BCS1L: variants seen among roughly 807,000 people sequenced by gnomAD.
The protein encoded by BCS1L is mitochondrial chaperone BCS1.
Under a neutral mutation model 49.3 loss-of-function variants are expected in BCS1L, and 38 were observed. The observed-to-expected ratio is 0.77, with a 90% confidence interval of 0.59 to 1.01. BCS1L has a LOEUF of 1.01. Among genes scored for constraint, BCS1L ranks in the 50% least tolerant of loss-of-function variants. The pLI is 0.00. For missense variants in BCS1L, 394 were observed against 540.2 expected (o/e 0.73, Z 2.68); for synonymous variants, 193 against 210.1 (o/e 0.92, Z 0.70).
In BCS1L at chr2:218,662,600, G is replaced by A. The variant is rs371242452; in HGVS notation, c.810G>A (p.Leu270=). ...CTGATGACCGACTCAACCACCTGCT[G>A]AGCGTGGCCCCGCAGCAGAGCCTGG... ...SLSDDRLNHL[L]SVAPQQSLVL... Residue 270 remains leucine (L), a synonymous_variant, in exon 6 of 8, where the codon CTG becomes CTA. Coordinates refer to ENST00000359273, the MANE Select transcript of BCS1L (RefSeq NM_001079866.2). This position sits in a 1 kb window ranked among gnomAD's most constrained non-coding sequence, Gnocchi z 5.8. The A allele has an allele frequency of 1.4e-5, 22 of 1,614,084 alleles. No homozygotes were observed. The highest frequency in any genetic ancestry group is 5.0e-5 in the Admixed American group (3 of 60,006).
chr2:218,659,804 T>C lies in BCS1L; in HGVS notation c.-50+61T>C, dbSNP rs1387907690. On this transcript the variant is annotated intron_variant, in intron 1 of 7. Coordinates refer to ENST00000359273, the MANE Select transcript of BCS1L (RefSeq NM_001079866.2). This position sits in a 1 kb window ranked among gnomAD's most constrained non-coding sequence, Gnocchi z 4.4. ...GTGGCTGGAGGCGCGAGCTGGGGTGTGGGCGAGGTTCAGGAGGGGGTTCCT... is the reference window on the plus strand; with the variant it reads ...GTGGCTGGAGGCGCGAGCTGGGGTGCGGGCGAGGTTCAGGAGGGGGTTCCT... The C allele has an allele frequency of 1.3e-5, 2 of 151,850 alleles. No homozygotes were observed. The highest frequency in any genetic ancestry group is 3.9e-4 in the East Asian group (2 of 5,178). 9.4% of individuals were successfully genotyped at this position (151,850 alleles called of 1,614,324 possible). A position where few individuals can be genotyped will look rare whatever the true frequency, so the allele number is the denominator to read the frequency against.
At position 218,661,641 on chromosome 2, in the gene BCS1L, G is replaced by A. The variant is rs762566470; in HGVS notation, c.460+96G>A. 29 of 1,583,668 alleles carry A rather than the reference G, an allele frequency of 1.8e-5. No individual in the cohort carries two copies. The highest frequency in any genetic ancestry group is 2.7e-5 in the African/African-American group (2 of 74,274). ...TTTGGAGAAGTGGAATAAGCAGGCC[G>A]GGGTGAGCCCATGGGAACAGGGGGC... On this transcript the variant is annotated intron_variant, in intron 3 of 7. Coordinates refer to ENST00000359273, the MANE Select transcript of BCS1L (RefSeq NM_001079866.2). The surrounding 1 kb of genome is among the most constrained non-coding windows in gnomAD (Gnocchi z 5.9).
chr2:218,661,893 G>T lies in BCS1L; in HGVS notation c.595G>T (p.Asp199Tyr). 6.2e-7 allele frequency: 1 copy of T among 1,614,160 alleles called. No homozygotes were observed. The highest frequency in any genetic ancestry group is 1.1e-5 in the South Asian group (1 of 91,046). ...NSVVLQQGLADRIVRDVQEFI... is the reference protein window; with the variant it reads ...NSVVLQQGLAYRIVRDVQEFI... ...TGTGGTTCTACAACAGGGTCTGGCT[G>T]ACCGAATTGTCAGAGACGTCCAGGA... Residue 199 changes from aspartate to tyrosine, a missense_variant, in exon 4 of 8, where the codon GAC becomes TAC. Physicochemically the swap from Asp to Tyr is radical, Grantham distance 160. Transcript: ENST00000359273. This position sits in a 1 kb window ranked among gnomAD's most constrained non-coding sequence, Gnocchi z 5.9.
chr2:218,660,471 T>G, intron 1 of BCS1L: 1 of 161,330 alleles, frequency 6.2e-6, no homozygotes, highest in Non-Finnish European at 1.4e-5. Flanking sequence ...TTAAAGACAG[T>G]TTAGGTGGGA....
rs1939317775 is a variant in BCS1L, at chr2:218,660,948, A to G, written c.-40A>G. On this transcript the variant is annotated 5_prime_UTR_variant, in exon 2 of 8. Coordinates refer to ENST00000359273, the MANE Select transcript of BCS1L (RefSeq NM_001079866.2). ...TGTTCCCCACCCCTAGGTTTTCGTAACACCCCAGGGCCTGTAAGGTTTGGT... is the reference window on the plus strand; with the variant it reads ...TGTTCCCCACCCCTAGGTTTTCGTAGCACCCCAGGGCCTGTAAGGTTTGGT... 1.2e-6 allele frequency: 2 copies of G among 1,609,460 alleles called. No individual in the cohort carries two copies. The highest frequency in any genetic ancestry group is 2.7e-5 in the African/African-American group (2 of 74,804).
At position 218,662,631 on chromosome 2, in the gene BCS1L, C is replaced by T. The variant is rs1939602051; in HGVS notation, c.841C>T (p.Leu281=). Residue 281 remains leucine (L), a synonymous_variant, in exon 6 of 8, where the codon CTG becomes TTG. Transcript: ENST00000359273. This position sits in a 1 kb window ranked among gnomAD's most constrained non-coding sequence, Gnocchi z 5.8. ...GGCCCCGCAGCAGAGCCTGGTACTC[C>T]TGGAGGATGTGGATGCTGCTTTTCT... ...SVAPQQSLVL[L]EDVDAAFLSR... 3 of 1,614,180 alleles carry T rather than the reference C, an allele frequency of 1.9e-6. No homozygotes were observed. Among genetic ancestry groups the T allele is most frequent in the Non-Finnish European group, 2.5e-6 (3 of 1,180,038 alleles).
In BCS1L at chr2:218,662,586, C is replaced by T. The variant is rs759269878; in HGVS notation, c.796C>T (p.Leu266Phe). ...GGACTCCAGCCTCTCTGATGACCGA[C>T]TCAACCACCTGCTGAGCGTGGCCCC... ...LTDSSLSDDR[L>F]NHLLSVAPQQ... is the part of the protein sequence containing the mutation. Residue 266 changes from leucine to phenylalanine, a missense_variant, in exon 6 of 8, where the codon CTC becomes TTC. By Grantham distance (22) the Leu-to-Phe change is conservative. Transcript: ENST00000359273. The surrounding 1 kb of genome is among the most constrained non-coding windows in gnomAD (Gnocchi z 5.8). 2.0e-5 allele frequency: 33 copies of T among 1,614,118 alleles called. No homozygotes were observed. The highest frequency in any genetic ancestry group is 2.6e-5 in the Non-Finnish European group (31 of 1,180,060).
Position 218,662,676 on chromosome 2 carries a change from G to C in BCS1L, c.886G>C (p.Glu296Gln). The C allele has an allele frequency of 6.2e-7, 1 of 1,614,134 alleles. No homozygotes were observed. The highest frequency in any genetic ancestry group is 2.2e-5 in the East Asian group (1 of 44,888). ...AAFLSRDLAV[E>Q]NPVKYQGLGR... ...TTTTCTCAGTCGAGACTTGGCTGTG[G>C]AGAGTAAGTGAGGGGTTCTGGAGGA... Residue 296 changes from glutamate (E) to glutamine (Q), a missense_variant, in exon 6 of 8, where the codon GAG (glutamate) becomes CAG (glutamine). Transcript: ENST00000359273. This position sits in a 1 kb window ranked among gnomAD's most constrained non-coding sequence, Gnocchi z 5.8.
At chr2:218,658,979 C>G (rs1938961654), upstream of BCS1L, 2 of 152,368 alleles carry the variant, frequency 1.3e-5, no homozygotes, top group Admixed American at 1.3e-4. Flanking sequence ...CTCTGACTCA[C>G]CGCGTGGTCT....
In BCS1L at chr2:218,663,440, A is replaced by G. The variant is rs1939709426; in HGVS notation, c.*54A>G. ...CTCTAGCTCAATAAACATCTGCCACACTACTCTGCTCTCTCATCTCCCTTC... is the reference window on the plus strand; with the variant it reads ...CTCTAGCTCAATAAACATCTGCCACGCTACTCTGCTCTCTCATCTCCCTTC... On this transcript the variant is annotated 3_prime_UTR_variant, in exon 8 of 8. Coordinates refer to ENST00000359273, the MANE Select transcript of BCS1L (RefSeq NM_001079866.2). The G allele has an allele frequency of 6.2e-7, 1 of 1,609,038 alleles. No individual in the cohort carries two copies. Among genetic ancestry groups the G allele is most frequent in the East Asian group, 2.2e-5 (1 of 44,866 alleles).
At chr2:218,659,078 G>A (rs1268284851), upstream of BCS1L, 3 of 152,248 alleles carry the variant, frequency 2.0e-5, no homozygotes, top group Non-Finnish European at 4.4e-5. This position sits in a 1 kb window ranked among gnomAD's most constrained non-coding sequence, Gnocchi z 4.4. Flanking sequence ...CGTCGGGCAG[G>A]AGCTGGATCA....
In BCS1L at chr2:218,660,920, C is replaced by A; in HGVS notation, c.-49-19C>A. On this transcript the variant is annotated intron_variant, in intron 1 of 7. Transcript: ENST00000359273. ...TCTAATCTGTGCTTTGTCCCATCTC[C>A]ACTGTTCCCCACCCCTAGGTTTTCG... The A allele has an allele frequency of 6.4e-7, 1 of 1,560,550 alleles. No individual in the cohort carries two copies.
At position 218,661,568 on chromosome 2, in the gene BCS1L, T is replaced by C; in HGVS notation, c.460+23T>C. ...AAGGTGTGGGATGGCACAGGCAGGC[T>C]TTCTAGGGACATTGCAGGGATGGGG... On this transcript the variant is annotated intron_variant, in intron 3 of 7. Transcript: ENST00000359273. This position sits in a 1 kb window ranked among gnomAD's most constrained non-coding sequence, Gnocchi z 5.9. 1 of 1,613,812 alleles carries C rather than the reference T, an allele frequency of 6.2e-7. No homozygotes were observed. The highest frequency in any genetic ancestry group is 8.5e-7 in the Non-Finnish European group (1 of 1,179,944).
At position 218,661,677 on chromosome 2, in the gene BCS1L, C is replaced by T. The variant is rs1001355643; in HGVS notation, c.461-82C>T. The stretch of plus-strand genomic sequence containing the variant: ...ATGGGAACAGGGGGCCAGAAGGAAG[C>T]TGTTTGGCACAGCTCCACCTAATTG... On this transcript the variant is annotated intron_variant, in intron 3 of 7. Transcript: ENST00000359273. The surrounding 1 kb of genome is among the most constrained non-coding windows in gnomAD (Gnocchi z 5.9). 3 of 1,581,932 alleles carry T rather than the reference C, an allele frequency of 1.9e-6. No individual in the cohort carries two copies. The highest frequency in any genetic ancestry group is 1.8e-5 in the Admixed American group (1 of 54,968).
At position 218,663,025 on chromosome 2, in the gene BCS1L, GA is replaced by G; in HGVS notation, c.1007+26del. On this transcript the variant is annotated intron_variant, in intron 7 of 7. Coordinates refer to ENST00000359273, the MANE Select transcript of BCS1L (RefSeq NM_001079866.2). ...GGTAGGAAGGAGCCAGGCATCCTGA[GA>G]CTTAGGCAAGAGCCCACCTCCTCCC... is the stretch of plus-strand genomic sequence containing the variant. 11 of 1,613,866 alleles carry G rather than the reference GA, an allele frequency of 6.8e-6. 1 individual carries two copies. The South Asian group carries it at 1.2e-4, about 18-fold the overall frequency.
Position 218,661,727 on chromosome 2 carries a change from T to C in BCS1L, c.461-32T>C. The C allele has an allele frequency of 6.2e-7, 1 of 1,604,922 alleles. No individual in the cohort carries two copies. Among genetic ancestry groups the C allele is most frequent in the Non-Finnish European group, 8.5e-7 (1 of 1,174,346 alleles). On this transcript the variant is annotated intron_variant, in intron 3 of 7. Coordinates refer to ENST00000359273, the MANE Select transcript of BCS1L (RefSeq NM_001079866.2). This position sits in a 1 kb window ranked among gnomAD's most constrained non-coding sequence, Gnocchi z 5.9. ...GAAGAATCAGCCATGGTGAAGAGAA[T>C]TATTGGCTTTATCTCATCTTCTCCT...
At chr2:218,660,442 C>G (rs1422782474) in intron 1 of BCS1L, 1 of 160,642 alleles carries the variant, frequency 6.2e-6, no homozygotes, top group Admixed American at 5.8e-5. Flanking sequence ...ATTAAAATGC[C>G]ATTTCAAGAA....
At chr2:218,659,044 T>C (rs1938970742), upstream of BCS1L, 2 of 152,090 alleles carry the variant, frequency 1.3e-5, no homozygotes, top group Non-Finnish European at 2.9e-5. This position sits in a 1 kb window ranked among gnomAD's most constrained non-coding sequence, Gnocchi z 4.4. Flanking sequence ...ATCTGTAAAA[T>C]GGAGGTGATG....
Position 218,663,208 on chromosome 2 carries a change from T to C in BCS1L, c.1082T>C (p.Leu361Pro). The C allele has an allele frequency of 1.2e-6, 2 of 1,614,232 alleles. No homozygotes were observed. Among genetic ancestry groups the C allele is most frequent in the Non-Finnish European group, 1.7e-6 (2 of 1,180,040 alleles). ...GTGGGCTACTGCTCACACTGGCAGC[T>C]GACCCAGATGTTCCAGAGGTTCTAT... ...EYVGYCSHWQ[L>P]TQMFQRFYPG... is the part of the protein sequence containing the mutation. Residue 361 changes from leucine (L) to proline (P), a missense_variant, in exon 8 of 8, where the codon CTG becomes CCG. By Grantham distance (98) the Leu-to-Pro change is moderately conservative. Coordinates refer to ENST00000359273, the MANE Select transcript of BCS1L (RefSeq NM_001079866.2).
Sources: allele counts gnomAD v4.1 joint callset, GRCh38; gene constraint gnomAD v4.1.1; non-coding constraint Gnocchi (gnomAD v3.1); transcripts MANE v1.5; gene names NCBI Gene and HGNC (gene_info 2026-07-23, HGNC 2026-07-21).